Variants in GPLD1 observed in about 807,000 individuals in gnomAD.
GPLD1 encodes phosphatidylinositol-glycan-specific phospholipase D.
GPLD1 carries 84 observed loss-of-function variants against 112.6 expected under a neutral mutation model. That is an observed-to-expected ratio of 0.75 (90% CI 0.63 to 0.89). The LOEUF (loss-of-function observed/expected upper bound fraction) is 0.89. Ranked by LOEUF, GPLD1 falls within the 40% of genes least tolerant of loss-of-function variation. GPLD1 has a pLI of 0.00. For missense variants in GPLD1, 1,044 were observed against 1,051.5 expected, an observed-to-expected ratio of 0.99 and a Z score of 0.10; for synonymous variants, 386 against 403.8, an observed-to-expected ratio of 0.96 and a Z score of 0.53.
At chr6:24,445,102 A>G (rs1452249512) in intron 20 of GPLD1, among the ~76,000 whole-genome samples, 3 of 152,084 alleles carry the variant, frequency 2.0e-5, no homozygotes, top group Non-Finnish European at 2.9e-5. Context: ...ATCTTGGCTT[A>G]CTGCAACTTC....
At chr6:24,474,087 C>T (rs1176570477) in intron 5 of GPLD1, among the ~76,000 whole-genome samples, 2 of 151,874 alleles carry the variant, frequency 1.3e-5, no homozygotes, top group Non-Finnish European at 2.9e-5. Flanking sequence ...GATTGCACCA[C>T]TGAACTCCAA....
upstream of GPLD1, among the ~76,000 whole-genome samples, chr6:24,489,818 T>C (rs181300907): frequency 3.9e-5 from 6 of 152,280 alleles, no homozygotes; most frequent in Admixed American, 2.6e-4. Flanking sequence ...TTTCTGGATT[T>C]CATTTTAACA....
rs1752546433 is a variant in GPLD1, at chr6:24,461,999, A to G, written c.887+731T>C. On this transcript the variant is annotated intron_variant, in intron 11 of 24. Transcript: ENST00000230036. ...AGAAAATATCATTTCTTAAAATACA[A>G]ACCAGGCTTCTGGCCCTTAACATTG... is the stretch of plus-strand genomic sequence containing the variant. Among the ~76,000 whole-genome samples, 3 of 152,322 alleles carry G rather than the reference A, an allele frequency of 2.0e-5. No individual in the cohort carries two copies. In the South Asian group the frequency reaches 6.2e-4, roughly 32 times the overall value.
chr6:24,448,649 T>C (rs1762988221), intron 15 of GPLD1, among the ~76,000 whole-genome samples: 2 of 152,144 alleles, frequency 1.3e-5, no homozygotes, highest in African/African-American at 4.8e-5. Flanking sequence ...AATTGTGCAG[T>C]GTGCTTGCAG....
At chr6:24,448,475 G>A (rs1762982858) in intron 15 of GPLD1, among the ~76,000 whole-genome samples, 1 of 151,982 alleles carries the variant, frequency 6.6e-6, no homozygotes, top group Admixed American at 6.6e-5. Flanking sequence ...CCAATGATTG[G>A]GAGCTTAATG....
intron 24 of GPLD1, among the ~76,000 whole-genome samples, 153 bp downstream of exon 24, chr6:24,433,034 G>A (rs760436066): frequency 1.3e-5 from 2 of 152,214 alleles, no homozygotes; most frequent in South Asian, 2.1e-4. Flanking sequence ...TTCCACCAAG[G>A]AAGTGATGAG....
chr6:24,454,368 G>C (rs908168103), intron 13 of GPLD1, among the ~76,000 whole-genome samples, 167 bp from the exon 14 acceptor site: 1 of 152,234 alleles, frequency 6.6e-6, no homozygotes, highest in Non-Finnish European at 1.5e-5. Flanking sequence ...TTGTTAGTGT[G>C]ATTCAGTCTC....
In GPLD1 at chr6:24,449,894, T is replaced by C; in HGVS notation, c.1341A>G (p.Ser447=). ...AHRILEGFQP[S]GRFGSALAVL... ...CAGCCAAGGCCGAGCCAAACCGACC[T>C]GAGGGCTGAAGAGGCACAAGTTTAC... Residue 447 remains serine (S), a synonymous_variant, in exon 15 of 25, where the codon TCA becomes TCG. Coordinates refer to ENST00000230036, the MANE Select transcript of GPLD1 (RefSeq NM_001503.4). The C allele has an allele frequency of 5.6e-6, 9 of 1,611,960 alleles. No homozygotes were observed. The highest frequency in any genetic ancestry group is 7.6e-6 in the Non-Finnish European group (9 of 1,178,458).
Position 24,428,867 on chromosome 6 carries a change from C to A in GPLD1, c.*165G>T, listed in dbSNP as rs1405392292. 2 of 486,990 alleles carry A rather than the reference C, an allele frequency of 4.1e-6. No individual in the cohort carries two copies. The highest frequency in any genetic ancestry group is 7.4e-6 in the Non-Finnish European group (2 of 270,982). 30.2% of individuals were successfully genotyped at this position (486,990 alleles called of 1,614,324 possible). A position where few individuals can be genotyped will look rare whatever the true frequency, so the allele number is the denominator to read the frequency against. On this transcript the variant is annotated 3_prime_UTR_variant, in exon 25 of 25. Transcript: ENST00000230036. ...GTCATATATTTACTGTATCAGATTTCCAGAGGGTGTGGCTGTTAGTGTGTC... is the reference window on the plus strand; with the variant it reads ...GTCATATATTTACTGTATCAGATTTACAGAGGGTGTGGCTGTTAGTGTGTC...
intron 20 of GPLD1, among the ~76,000 whole-genome samples, chr6:24,440,625 T>G (rs1480841749): frequency 1.4e-5 from 2 of 143,756 alleles, no homozygotes; most frequent in African/African-American, 5.1e-5. Flanking sequence ...TTGTGGCACA[T>G]GCCTGTGGTC....
intron 22 of GPLD1, 152 bp from the exon 23 acceptor site, chr6:24,433,541 G>A: frequency 1.8e-6 from 1 of 565,574 alleles, no homozygotes; most frequent in Non-Finnish European, 3.0e-6. Context: ...CGCCCAGGCT[G>A]GAGTGCAGTG....
At position 24,454,039 on chromosome 6, in the gene GPLD1, G is replaced by A; in HGVS notation, c.1311C>T (p.Ala437=). ...PPVDLDLDKE[A]HRILEGFQPS... ...CCTGGAAGCCTTCAAGGATCCTGTG[G>A]GCCTCCTTGTCCAGGTCCAGGTCAA... Residue 437 remains alanine, a synonymous_variant, in exon 14 of 25, where the codon GCC becomes GCT. Transcript: ENST00000230036. 6.2e-7 allele frequency: 1 copy of A among 1,611,678 alleles called. No homozygotes were observed. The highest frequency in any genetic ancestry group is 8.5e-7 in the Non-Finnish European group (1 of 1,178,288).
At chr6:24,444,821 C>G (rs1353259956) in intron 20 of GPLD1, among the ~76,000 whole-genome samples, 2 of 152,158 alleles carry the variant, frequency 1.3e-5, no homozygotes, top group East Asian at 3.9e-4. Context: ...TGCACTCCAG[C>G]CTGGGCGACA....
chr6:24,442,908 G>C (rs1401228259), intron 20 of GPLD1, among the ~76,000 whole-genome samples: 3 of 151,822 alleles, frequency 2.0e-5, no homozygotes, highest in African/African-American at 7.3e-5. Context: ...CTTTATCATA[G>C]GAAAAAAAAT....
intron 2 of GPLD1, among the ~76,000 whole-genome samples, chr6:24,481,541 G>A (rs148542438): frequency 1.3e-5 from 2 of 152,186 alleles, no homozygotes; most frequent in African/African-American, 2.4e-5. Flanking sequence ...ATTCCACACC[G>A]CTCAGGTGGG....
At chr6:24,492,227 G>T (rs1478036702), upstream of GPLD1, among the ~76,000 whole-genome samples, 1 of 152,018 alleles carries the variant, frequency 6.6e-6, no homozygotes. Context: ...AGAAGAGGCT[G>T]GGCACAGTGT....
At chr6:24,467,348 A>G (rs1763653862) in intron 7 of GPLD1, 74 bp from the exon 8 acceptor site, 1 of 822,120 alleles carries the variant, frequency 1.2e-6, no homozygotes, top group African/African-American at 1.7e-5. Flanking sequence ...AGCAGCAGCT[A>G]CCAGTTATTC....
At chr6:24,484,494 G>A (rs1764308596) in intron 2 of GPLD1, among the ~76,000 whole-genome samples, 3 of 152,216 alleles carry the variant, frequency 2.0e-5, no homozygotes, top group Non-Finnish European at 2.9e-5. Flanking sequence ...GGGATCACAG[G>A]CATGAGCCAT....
At chr6:24,461,207 G>T (rs1205276747) in intron 11 of GPLD1, among the ~76,000 whole-genome samples, 1 of 152,092 alleles carries the variant, frequency 6.6e-6, no homozygotes, top group African/African-American at 2.4e-5. Flanking sequence ...AAGTGACGGG[G>T]CCCTGGGCAT....
Sources: allele counts gnomAD v4.1 joint callset (sites outside exome capture counted in the v4.1 genomes callset), GRCh38; gene constraint gnomAD v4.1.1; transcripts MANE v1.5; gene names NCBI Gene and HGNC (gene_info 2026-07-23, HGNC 2026-07-21).